The following ASIC2 variants were observed in gnomAD, a reference collection of about 807,000 sequenced individuals.
ASIC2 encodes acid sensing ion channel subunit 2, also known as acid-sensing ion channel 2.
A neutral mutation model predicts 57.3 loss-of-function variants in ASIC2; 25 were observed. The ratio of observed to expected loss-of-function variants is 0.44; its 90% CI spans 0.32 to 0.61. ASIC2 has a LOEUF of 0.61. Ranked by LOEUF, ASIC2 falls within the 20% of genes least tolerant of loss-of-function variation. The pLI, the probability that ASIC2 is intolerant of heterozygous loss-of-function variation, is 0.06. For synonymous variants in ASIC2, 319 were observed against 307.5 expected (o/e 1.04, Z -0.39); for missense variants, 641 against 738.1 (o/e 0.87, Z 1.52).
chr17:33,386,096 A>T (rs1223170516), intron 1 of ASIC2, among the ~76,000 whole-genome samples: 1 of 152,198 alleles, frequency 6.6e-6, no homozygotes, highest in East Asian at 1.9e-4. Context: ...CCTAGTATCT[A>T]TCCAGACTGG....
At chr17:33,640,866 C>T (rs929246455) in intron 1 of ASIC2, among the ~76,000 whole-genome samples, 2 of 152,166 alleles carry the variant, frequency 1.3e-5, no homozygotes, top group African/African-American at 4.8e-5. Context: ...CAGGAATCCC[C>T]ATAAGCACCT....
In ASIC2 at chr17:33,048,767, G is replaced by T. The variant is rs371064563; in HGVS notation, c.988-20375C>A. The stretch of plus-strand genomic sequence containing the variant: ...CCCATCCCAGGGCCTGGAGTTCCAG[G>T]TTGGGTTTGGATCTTTGTCCCTGGT... On this transcript the variant is annotated intron_variant, in intron 3 of 9. Coordinates refer to ENST00000225823, the MANE Select transcript of ASIC2 (RefSeq NM_183377.2). Among the ~76,000 whole-genome samples the T allele has an allele frequency of 4.6e-5, 7 of 152,206 alleles. No homozygotes were observed. The East Asian group carries it at 9.6e-4, about 21-fold the overall frequency.
intron 1 of ASIC2, among the ~76,000 whole-genome samples, chr17:33,785,597 T>G (rs1236793072): frequency 6.6e-6 from 1 of 152,192 alleles, no homozygotes; most frequent in African/African-American, 2.4e-5. Flanking sequence ...CCACTTTCCT[T>G]CCCAACAATT....
At chr17:33,470,667 T>G (rs1166667456) in intron 1 of ASIC2, among the ~76,000 whole-genome samples, 2 of 152,186 alleles carry the variant, frequency 1.3e-5, no homozygotes, top group Non-Finnish European at 2.9e-5. Context: ...GACTCAGAGC[T>G]AAGAGGTGCC....
chr17:33,485,057 G>T (rs955877690), intron 1 of ASIC2, among the ~76,000 whole-genome samples: 4 of 152,242 alleles, frequency 2.6e-5, no homozygotes, highest in Non-Finnish European at 4.4e-5. Context: ...ATTCTTTCCT[G>T]GGTGAAGCCA....
intron 1 of ASIC2, among the ~76,000 whole-genome samples, chr17:33,483,020 G>A (rs1913457135): frequency 6.6e-6 from 1 of 152,220 alleles, no homozygotes; most frequent in South Asian, 2.1e-4. Context: ...GAGGCGGAGA[G>A]AATGGGGAGA....
chr17:33,411,599 C>A (rs932264770), intron 1 of ASIC2, among the ~76,000 whole-genome samples: 2 of 152,128 alleles, frequency 1.3e-5, no homozygotes, highest in African/African-American at 4.8e-5. Flanking sequence ...TCTATCTGCT[C>A]CAGTGGGGGT....
intron 1 of ASIC2, among the ~76,000 whole-genome samples, chr17:33,425,354 A>C (rs1911181267): frequency 6.6e-6 from 1 of 152,272 alleles, no homozygotes; most frequent in South Asian, 2.1e-4. Flanking sequence ...TGCCAAAGCC[A>C]GTGATCTTTC....
chr17:33,521,585 G>A (rs9913413), intron 1 of ASIC2, among the ~76,000 whole-genome samples: 32,551 of 152,136 alleles, frequency 0.21, 3,785 homozygotes, highest in East Asian at 0.3. Context: ...AGAGCCTGCT[G>A]AGAGTCTGGC....
At chr17:33,718,564 G>A (rs1379521334) in intron 1 of ASIC2, among the ~76,000 whole-genome samples, 1 of 152,182 alleles carries the variant, frequency 6.6e-6, no homozygotes, top group East Asian at 1.9e-4. Flanking sequence ...CCCACATGGT[G>A]CAGAGATGGA....
At chr17:33,579,830 G>C (rs965858123) in intron 1 of ASIC2, among the ~76,000 whole-genome samples, 8 of 152,054 alleles carry the variant, frequency 5.3e-5, no homozygotes, top group African/African-American at 7.2e-5. Context: ...CGTCTGGCTC[G>C]GGTGGGCTGC....
intron 1 of ASIC2, among the ~76,000 whole-genome samples, chr17:33,114,650 A>G (rs768132906): frequency 6.6e-6 from 1 of 152,230 alleles, no homozygotes; most frequent in Non-Finnish European, 1.5e-5. Flanking sequence ...CTGCCAAAGC[A>G]TGCCCAGTGC....
At chr17:33,304,813 T>G (rs1906103244) in intron 1 of ASIC2, among the ~76,000 whole-genome samples, 1 of 152,140 alleles carries the variant, frequency 6.6e-6, no homozygotes, top group Non-Finnish European at 1.5e-5. Context: ...GTGTCCTTTC[T>G]GCTTGTAGTG....
At chr17:33,271,249 C>T (rs1402560025) in intron 1 of ASIC2, among the ~76,000 whole-genome samples, 1 of 152,152 alleles carries the variant, frequency 6.6e-6, no homozygotes, top group Non-Finnish European at 1.5e-5. Flanking sequence ...TTGGCGAATC[C>T]AGGGCCCAGT....
chr17:33,329,514 AT>A (rs1318517473), intron 1 of ASIC2, among the ~76,000 whole-genome samples: 1 of 152,194 alleles, frequency 6.6e-6, no homozygotes, highest in Non-Finnish European at 1.5e-5. Flanking sequence ...TCATGCCCAA[AT>A]TTCAGAAGTG....
chr17:34,018,699 A>T (rs1438227086), intron 1 of ASIC2, among the ~76,000 whole-genome samples: 1 of 152,210 alleles, frequency 6.6e-6, no homozygotes, highest in African/African-American at 2.4e-5. Context: ...CAAGACTTCA[A>T]TGAGGAATGT....
intron 1 of ASIC2, among the ~76,000 whole-genome samples, chr17:34,023,603 C>A (rs1254561729): frequency 1.3e-5 from 2 of 152,128 alleles, no homozygotes; most frequent in Non-Finnish European, 2.9e-5. Flanking sequence ...AGAGGCTTCA[C>A]ACAGCATTTG....
In ASIC2 at chr17:33,135,595, G is replaced by A. The variant is rs147425940; in HGVS notation, c.709-23528C>T. ...GAATGAGAGGTATGACAAGAGGTTG[G>A]GAAGGGGCAAAGATGGAGCCAGGCA... is the stretch of plus-strand genomic sequence containing the variant. On this transcript the variant is annotated intron_variant, in intron 1 of 9. Transcript: ENST00000225823. Among the ~76,000 whole-genome samples, 123 of 152,306 alleles carry A rather than the reference G, an allele frequency of 8.1e-4. 1 individual carries two copies. Among genetic ancestry groups the A allele is most frequent in the Admixed American group, 3.1e-3 (48 of 15,296 alleles).
intron 1 of ASIC2, among the ~76,000 whole-genome samples, chr17:33,579,740 A>C (rs1009034579): frequency 2.6e-5 from 4 of 152,178 alleles, no homozygotes; most frequent in African/African-American, 7.2e-5. Flanking sequence ...GCGGACCCAA[A>C]CACTAAACAG....
Sources: allele counts gnomAD v4.1 joint callset (sites outside exome capture counted in the v4.1 genomes callset), GRCh38; gene constraint gnomAD v4.1.1; transcripts MANE v1.5; gene names NCBI Gene and HGNC (gene_info 2026-07-23, HGNC 2026-07-21).